SEMA6D: variants seen among roughly 807,000 people sequenced by gnomAD.
SEMA6D encodes the protein semaphorin-6D.
Under a neutral mutation model 106.6 loss-of-function variants are expected in SEMA6D, and 35 were observed. That is an observed-to-expected ratio of 0.33 (90% confidence interval 0.25 to 0.44). The LOEUF is 0.44. SEMA6D is among the 20% of genes least tolerant of loss of function. The pLI is 1.00. For synonymous variants in SEMA6D, 499 were observed against 487.7 expected, an observed-to-expected ratio of 1.02 and a Z score of -0.31; for missense variants, 1,185 against 1,345.9, an observed-to-expected ratio of 0.88 and a Z score of 1.87.
chr15:47,552,894 A>ATATATATATT (rs2045794272), intron 3 of SEMA6D, among the ~76,000 whole-genome samples: 1 of 100,450 alleles, frequency 1.0e-5, no homozygotes, highest in African/African-American at 4.5e-5. Flanking sequence ...ATATATAAAT[A>ATATATATATT]TATATATATA....
In SEMA6D at chr15:47,548,842, A is replaced by C. The variant is rs143891440; in HGVS notation, c.-86-52023A>C. 4.6e-3 allele frequency among the ~76,000 whole-genome samples: 702 copies of C among 152,278 alleles called. 14 individuals are homozygous for C. The South Asian group carries it at 0.055, about 12-fold the overall frequency. On this transcript the variant is annotated intron_variant, in intron 3 of 19. Transcript: ENST00000558014. ...TGTGTTTGTTGTAAACATTTAGAAA[A>C]ATGCAGGAAGTTATGATACCATATA...
chr15:47,556,152 T>C (rs759105045), intron 3 of SEMA6D, among the ~76,000 whole-genome samples: 1 of 152,212 alleles, frequency 6.6e-6, no homozygotes, highest in Non-Finnish European at 1.5e-5. Flanking sequence ...TGATATATAC[T>C]GTTATACTTA....
chr15:47,221,470 C>A (rs554341420), intron 1 of SEMA6D, among the ~76,000 whole-genome samples: 7 of 152,140 alleles, frequency 4.6e-5, no homozygotes, highest in African/African-American at 1.7e-4. Flanking sequence ...AAAGTCTGTT[C>A]CTAGGAGTTT....
At chr15:47,246,289 CAT>C (rs2033192774) in intron 1 of SEMA6D, among the ~76,000 whole-genome samples, 1 of 152,020 alleles carries the variant, frequency 6.6e-6, no homozygotes, top group South Asian at 2.1e-4. Context: ...AGAGAGAAAA[CAT>C]AGGATTATTA....
At chr15:47,395,347 G>A (rs116980570) in intron 1 of SEMA6D, among the ~76,000 whole-genome samples, 2,284 of 152,236 alleles carry the variant, frequency 0.015, 39 homozygotes, top group South Asian at 0.062. Flanking sequence ...CAGTGGCTTT[G>A]TCAATAGAGA....
intron 3 of SEMA6D, among the ~76,000 whole-genome samples, chr15:47,593,405 CAAAAAAAAAAAAA>C (rs35561269): frequency 1.0e-4 from 6 of 59,930 alleles, no homozygotes; most frequent in Admixed American, 2.4e-4. Context: ...AACTCCGTCT[CAAAAAAAAAAAAA>C]AAAAAAAAAA....
chr15:47,459,777 A>G (rs1261842674), intron 2 of SEMA6D, among the ~76,000 whole-genome samples: 1 of 152,088 alleles, frequency 6.6e-6, no homozygotes, highest in Non-Finnish European at 1.5e-5. Flanking sequence ...TGGAGAGTCT[A>G]TTAAATTCTA....
intron 3 of SEMA6D, among the ~76,000 whole-genome samples, chr15:47,483,522 A>G (rs2043212638): frequency 6.6e-6 from 1 of 152,170 alleles, no homozygotes; most frequent in Middle Eastern, 3.2e-3. Context: ...TTGCCTACTC[A>G]GGACACCAGA....
intron 1 of SEMA6D, among the ~76,000 whole-genome samples, chr15:47,758,969 C>T (rs1054144543): frequency 6.6e-6 from 1 of 152,132 alleles, no homozygotes; most frequent in African/African-American, 2.4e-5. Flanking sequence ...CTCTGAAGTT[C>T]AATAAAGCTA....
At position 47,759,749 on chromosome 15, in the gene SEMA6D, C is replaced by A; in HGVS notation, c.-50C>A. 7.6e-7 allele frequency: 1 copy of A among 1,314,162 alleles called. No homozygotes were observed. 81.4% of individuals were successfully genotyped at this position (1,314,162 alleles called of 1,614,324 possible). ...CAAACTGCTTCTGTTTTCCAGGTAG[C>A]TCAGTGGCATTTCTGAGCAGGGGCC... On this transcript the variant is annotated 5_prime_UTR_variant, in exon 2 of 19. Coordinates refer to ENST00000536845, the MANE Select transcript of SEMA6D (RefSeq NM_001358351.3).
chr15:47,584,221 G>A (rs372736019), intron 3 of SEMA6D, among the ~76,000 whole-genome samples: 2 of 152,146 alleles, frequency 1.3e-5, no homozygotes, highest in South Asian at 4.1e-4. Flanking sequence ...TAAGGAGTTC[G>A]AGACCAGCCT....
chr15:47,540,459 C>T (rs1468350009), intron 3 of SEMA6D, among the ~76,000 whole-genome samples: 1 of 152,024 alleles, frequency 6.6e-6, no homozygotes, highest in Non-Finnish European at 1.5e-5. Flanking sequence ...TGCATTTACT[C>T]ATTTATTCAG....
chr15:47,624,458 G>C (rs539339609), intron 4 of SEMA6D, among the ~76,000 whole-genome samples: 1 of 152,112 alleles, frequency 6.6e-6, no homozygotes, highest in Non-Finnish European at 1.5e-5. Context: ...TACAAATATA[G>C]TCATCCAATT....
intron 1 of SEMA6D, among the ~76,000 whole-genome samples, chr15:47,741,847 C>G (rs903824423): frequency 6.6e-6 from 1 of 152,192 alleles, no homozygotes; most frequent in Non-Finnish European, 1.5e-5. Flanking sequence ...ATAGATCCTG[C>G]CTTCGAGGAG....
rs1035631368 is a variant in SEMA6D at position 47,339,591 on chromosome 15, G to A, written c.-238-72802G>A. Among the ~76,000 whole-genome samples the A allele has an allele frequency of 5.7e-4, 87 of 152,248 alleles. 2 individuals carry two copies. Among genetic ancestry groups the A allele is most frequent in the Admixed American group, 4.6e-3 (71 of 15,296 alleles). Reference sequence around the variant, plus strand: ...AAATGCTATAAAGAAAAATTGGGCCGGGTGCAATGGCTCAAGCCTGTAATC... The same window carrying A: ...AAATGCTATAAAGAAAAATTGGGCCAGGTGCAATGGCTCAAGCCTGTAATC... On this transcript the variant is annotated intron_variant, in intron 1 of 19. Coordinates refer to the SEMA6D transcript ENST00000558014.
chr15:47,527,835 A>G (rs570337488), intron 3 of SEMA6D: 3 of 152,312 alleles, frequency 2.0e-5, no homozygotes, highest in South Asian at 4.1e-4. Flanking sequence ...TTCACACTCT[A>G]TAACCCCCAG....
chr15:47,435,303 A>G (rs1326619410), intron 2 of SEMA6D, among the ~76,000 whole-genome samples: 2 of 152,064 alleles, frequency 1.3e-5, no homozygotes, highest in Non-Finnish European at 2.9e-5. Context: ...ATCAATCCCT[A>G]TCTTTGATTC....
intron 4 of SEMA6D, among the ~76,000 whole-genome samples, chr15:47,679,213 G>C (rs963194362): frequency 5.3e-5 from 8 of 152,164 alleles, no homozygotes; most frequent in African/African-American, 1.9e-4. Context: ...TAAAACATTG[G>C]ATTGAGAATC....
At chr15:47,494,599 T>C (rs1254369049) in intron 3 of SEMA6D, among the ~76,000 whole-genome samples, 3 of 151,192 alleles carry the variant, frequency 2.0e-5, no homozygotes, top group Non-Finnish European at 4.4e-5. Context: ...AGTGAATAGT[T>C]ATTATAATGT....
Sources: gnomAD v4.1 joint callset for allele counts (sites outside exome capture counted in the v4.1 genomes callset) on GRCh38, gnomAD v4.1.1 for gene constraint, MANE v1.5 for transcripts, NCBI Gene and HGNC (gene_info 2026-07-23, HGNC 2026-07-21) for gene names.